The following RAD50 variants were observed in gnomAD, a reference collection of about 807,000 sequenced individuals.
RAD50 encodes RAD50 double strand break repair protein.
In RAD50, 132 loss-of-function variants were observed where a neutral mutation model predicts 168.8. The ratio of observed to expected loss-of-function variants is 0.78; its 90% CI spans 0.68 to 0.90. RAD50 has a LOEUF of 0.90. Among genes scored for constraint, RAD50 ranks in the 40% least tolerant of loss-of-function variants. The pLI is 0.00. For missense variants in RAD50, 1,347 were observed against 1,534.4 expected (o/e 0.88, Z 2.04); for synonymous variants, 525 against 497.4 (o/e 1.06, Z -0.74).
intron 21 of RAD50, among the ~76,000 whole-genome samples, chr5:132,625,021 C>T (rs997559595): frequency 1.3e-5 from 2 of 151,890 alleles, no homozygotes; most frequent in Non-Finnish European, 2.9e-5. Flanking sequence ...TTTAAAAAGC[C>T]TCAGAAGTCC....
At chr5:132,562,381 G>T (rs998234859) in intron 2 of RAD50, among the ~76,000 whole-genome samples, 4 of 152,128 alleles carry the variant, frequency 2.6e-5, no homozygotes, top group Non-Finnish European at 5.9e-5. Context: ...AGAAATATAG[G>T]TGGCTTCATT....
intron 24 of RAD50, chr5:132,641,792 TAGTAAC>T (rs1353300750): frequency 6.9e-5 from 13 of 187,788 alleles, no homozygotes; most frequent in Middle Eastern, 2.3e-3. Flanking sequence ...CAGAGAAAAG[TAGTAAC>T]AGGTCAGGAA....
chr5:132,642,646 C>G lies in RAD50; in HGVS notation c.*282C>G. On this transcript the variant is annotated 3_prime_UTR_variant, in exon 25 of 25. Transcript: ENST00000378823. ...ACAGCCGAGACTCGACTCTGTGCCTCCCTCCCCAGTGCAAATGCATGCTTC... is the reference window on the plus strand; with the variant it reads ...ACAGCCGAGACTCGACTCTGTGCCTGCCTCCCCAGTGCAAATGCATGCTTC... 2 of 495,666 alleles carry G rather than the reference C, an allele frequency of 4.0e-6. No individual in the cohort carries two copies. The highest frequency in any genetic ancestry group is 2.2e-5 in the South Asian group (1 of 44,610). 30.7% of individuals were successfully genotyped at this position (495,666 alleles called of 1,614,324 possible).
At chr5:132,565,825 A>G (rs1329021350) in intron 2 of RAD50, among the ~76,000 whole-genome samples, 2 of 151,834 alleles carry the variant, frequency 1.3e-5, no homozygotes. Flanking sequence ...GATCCCCCCT[A>G]TTTGTGGATT....
chr5:132,591,393 T>C lies in RAD50; in HGVS notation c.1622T>C (p.Leu541Pro). The C allele has an allele frequency of 1.2e-6, 2 of 1,613,628 alleles. No individual in the cohort carries two copies. The highest frequency in any genetic ancestry group is 1.7e-6 in the Non-Finnish European group (2 of 1,179,688). The change falls in exon 10 of 25, where the codon CTG (leucine) becomes CCG (proline). Residue 541 changes from leucine to proline, a missense_variant. Transcript: ENST00000378823. ...ACAACACGTACCCAAATGGAGATGC[T>C]GACCAAAGACAAAGTATGATTTTTC... is the stretch of plus-strand genomic sequence containing the variant. ...HTTTRTQMEMLTKDKADKDEQ... is the reference protein window; with the variant it reads ...HTTTRTQMEMPTKDKADKDEQ...
rs1271245868 is a variant in RAD50, at chr5:132,646,130, G to C, written c.*3766G>C. The C allele has an allele frequency of 7.0e-6, 1 of 142,386 alleles. No individual in the cohort carries two copies. Among genetic ancestry groups the C allele is most frequent in the African/African-American group, 2.6e-5 (1 of 38,182 alleles). The allele number at this position is 142,386 out of a possible 1,614,324, so 8.8% of individuals were successfully genotyped here. A position where few individuals can be genotyped will look rare whatever the true frequency, so the allele number is the denominator to read the frequency against. The stretch of plus-strand genomic sequence containing the variant: ...AAAAAAAAAGCAGCAGCAGCTGAAA[G>C]TTGGCAGGAGCACACTGGCAGTTCC... On this transcript the variant is annotated 3_prime_UTR_variant, in exon 25 of 25. Coordinates refer to ENST00000378823, the MANE Select transcript of RAD50 (RefSeq NM_005732.4).
chr5:132,595,516 AATAC>A lies in RAD50; in HGVS notation c.1970-56_1970-53del, dbSNP rs1448035793. On this transcript the variant is annotated intron_variant, in intron 12 of 24. Transcript: ENST00000378823. ...TAGAAAAAGATACAACCGTATTCAG[AATAC>A]TGTATTTTATGTTTTTTTCTCATTG... The A allele has an allele frequency of 9.0e-5, 102 of 1,131,396 alleles. 3 individuals are homozygous for A. In the Admixed American group the frequency reaches 1.8e-3, roughly 20 times the overall value. 70.1% of individuals were successfully genotyped at this position (1,131,396 alleles called of 1,614,324 possible). A position where few individuals can be genotyped will look rare whatever the true frequency, so the allele number is the denominator to read the frequency against.
chr5:132,571,827 T>C (rs1469192639), intron 2 of RAD50, among the ~76,000 whole-genome samples: 3 of 152,248 alleles, frequency 2.0e-5, no homozygotes, highest in Non-Finnish European at 4.4e-5. Context: ...GCTTGTATAA[T>C]ATTCTTGCCA....
chr5:132,591,864 T>C lies in RAD50; in HGVS notation c.1636-13T>C, dbSNP rs2149842600. The C allele has an allele frequency of 6.4e-7, 1 of 1,569,832 alleles. No homozygotes were observed. Among genetic ancestry groups the C allele is most frequent in the Non-Finnish European group, 8.7e-7 (1 of 1,145,468 alleles). ...TAGACTTTATTTTTAAAAGATTTTT[T>C]TTTTACCTATAGGCTGACAAAGATG... is the stretch of plus-strand genomic sequence containing the variant. On this transcript the variant is annotated splice_polypyrimidine_tract_variant and intron_variant, in intron 10 of 24. Coordinates refer to ENST00000378823, the MANE Select transcript of RAD50 (RefSeq NM_005732.4).
In RAD50 at chr5:132,579,962, G is replaced by A. The variant is rs984403593; in HGVS notation, c.652G>A (p.Glu218Lys). ...ACTAAAATATCTGAAGCAATATAAG[G>A]AAAAAGCTTGTGAGATTCGTGATCA... ...MELKYLKQYK[E>K]KACEIRDQIT... The change falls in exon 5 of 25, where the codon GAA (glutamate) becomes AAA (lysine). Residue 218 changes from glutamate (E) to lysine (K), a missense_variant. Glu to Lys is a moderately conservative substitution (Grantham distance 56, BLOSUM62 1). Coordinates refer to ENST00000378823, the MANE Select transcript of RAD50 (RefSeq NM_005732.4). 2 of 1,612,222 alleles carry A rather than the reference G, an allele frequency of 1.2e-6. No individual in the cohort carries two copies. Among genetic ancestry groups the A allele is most frequent in the African/African-American group, 2.7e-5 (2 of 75,004 alleles).
In RAD50 at chr5:132,608,633, A is replaced by T; in HGVS notation, c.2737A>T (p.Ser913Cys). 6.3e-7 allele frequency: 1 copy of T among 1,593,602 alleles called. No homozygotes were observed. Among genetic ancestry groups the T allele is most frequent in the African/African-American group, 1.4e-5 (1 of 73,798 alleles). Residue 913 changes from serine to cysteine, a missense_variant, in exon 17 of 25, where the codon AGC becomes TGC. Transcript: ENST00000378823. ...REIKDAKEQV[S>C]PLETTLEKFQ... Reference sequence around the variant, plus strand: ...TTTTTAGGATGCTAAAGAGCAGGTAAGCCCTTTGGAAACAACATTGGAAAA... The same window carrying T: ...TTTTTAGGATGCTAAAGAGCAGGTATGCCCTTTGGAAACAACATTGGAAAA...
chr5:132,614,241 C>T (rs1436408826), intron 19 of RAD50, among the ~76,000 whole-genome samples: 2 of 152,126 alleles, frequency 1.3e-5, no homozygotes, highest in African/African-American at 2.4e-5. Context: ...ATTGTGAAAA[C>T]AAATTCAAAT....
At chr5:132,585,832 A>C (rs1580990896) in intron 5 of RAD50, among the ~76,000 whole-genome samples, 1 of 152,088 alleles carries the variant, frequency 6.6e-6, no homozygotes, top group African/African-American at 2.4e-5. Context: ...GGGCTCAAGC[A>C]ATCAGCCTGC....
rs181240271 is a variant in RAD50 at position 132,642,877 on chromosome 5, C to G, written c.*513C>G. 2.9e-4 allele frequency: 114 copies of G among 388,908 alleles called. No homozygotes were observed. Among genetic ancestry groups the G allele is most frequent in the African/African-American group, 2.2e-3 (107 of 49,580 alleles). 24.1% of individuals were successfully genotyped at this position (388,908 alleles called of 1,614,324 possible). A position where few individuals can be genotyped will look rare whatever the true frequency, so the allele number is the denominator to read the frequency against. On this transcript the variant is annotated 3_prime_UTR_variant, in exon 25 of 25. Transcript: ENST00000378823. ...TAACTTTATAAATCCAGTGACCTCT[C>G]TCTCTGGGACTTGGTTTCCCCAACT...
chr5:132,592,001 T>A lies in RAD50; in HGVS notation c.1760T>A (p.Ile587Asn), dbSNP rs769527393. 1.9e-6 allele frequency: 3 copies of A among 1,613,072 alleles called. No individual in the cohort carries two copies. In the East Asian group the frequency reaches 6.7e-5, roughly 36 times the overall value. The change falls in exon 11 of 25, where the codon ATT becomes AAT. Residue 587 changes from isoleucine to asparagine, a missense_variant. Around this residue, in one of 3 missense-constraint regions of RAD50, gnomAD observed 703 missense variants for 767.7 expected, o/e 0.92. Transcript: ENST00000378823. ...EDWLHSKSKEINQTRDRLAKL... is the reference protein window; with the variant it reads ...EDWLHSKSKENNQTRDRLAKL... ...TGGCTACATAGTAAATCAAAAGAAA[T>A]TAATCAGACCAGGGACAGACTTGCC...
At chr5:132,628,397 AG>A (rs1751405146) in intron 21 of RAD50, among the ~76,000 whole-genome samples, 1 of 152,246 alleles carries the variant, frequency 6.6e-6, no homozygotes, top group African/African-American at 2.4e-5. Context: ...AAATATATCA[AG>A]AATCTAATGC....
intron 21 of RAD50, among the ~76,000 whole-genome samples, chr5:132,620,035 G>T (rs1303536299): frequency 3.3e-5 from 5 of 150,980 alleles, no homozygotes; most frequent in Non-Finnish European, 1.5e-5. Flanking sequence ...CTCCTGAGTA[G>T]CTGGGACTAC....
chr5:132,625,821 T>G (rs1751363876), intron 21 of RAD50, among the ~76,000 whole-genome samples: 1 of 152,242 alleles, frequency 6.6e-6, no homozygotes, highest in Admixed American at 6.5e-5. Flanking sequence ...CATAATGTCC[T>G]TCAGTTCCAT....
rs764122619 is a variant in RAD50, at chr5:132,580,068, T to C, written c.756+2T>C. ...GAGAATGAACTTGATCCATTGAAGG[T>C]AACTTGATTTTATTTTTAATTGACA... is the stretch of plus-strand genomic sequence containing the variant. On this transcript the variant is annotated splice_donor_variant, in intron 5 of 24. Transcript: ENST00000378823. LOFTEE classifies it high-confidence loss of function. 4.4e-6 allele frequency: 7 copies of C among 1,603,402 alleles called. No homozygotes were observed. The highest frequency in any genetic ancestry group is 1.7e-5 in the Admixed American group (1 of 59,926).
Sources: allele counts gnomAD v4.1 joint callset (sites outside exome capture counted in the v4.1 genomes callset), GRCh38; gene constraint gnomAD v4.1.1; regional missense constraint gnomAD v4.1.1; transcripts MANE v1.5; gene names NCBI Gene and HGNC (gene_info 2026-07-23, HGNC 2026-07-21).